CCDC146: variants seen among roughly 807,000 people sequenced by gnomAD.
CCDC146 encodes coiled-coil domain containing 146.
CCDC146 carries 92 observed loss-of-function variants against 119.3 expected under a neutral mutation model. That is an observed-to-expected ratio of 0.77 (90% confidence interval 0.65 to 0.92). CCDC146 has a LOEUF of 0.92. Ranked by LOEUF, CCDC146 falls within the 40% of genes least tolerant of loss-of-function variation. CCDC146 has a pLI of 0.00. For synonymous variants in CCDC146, 372 were observed against 371.8 expected (o/e 1.00, Z -0.01); for missense variants, 1,000 against 1,103.0 (o/e 0.91, Z 1.32).
chr7:77,245,120 CTAAT>C (rs1377565725), intron 4 of CCDC146, among the ~76,000 whole-genome samples: 2 of 152,108 alleles, frequency 1.3e-5, no homozygotes, highest in Admixed American at 6.5e-5. Context: ...GTTAATAAAT[CTAAT>C]TATCTGGTTG....
intron 2 of CCDC146, among the ~76,000 whole-genome samples, chr7:77,189,691 A>T (rs1584054502): frequency 6.6e-6 from 1 of 151,980 alleles, no homozygotes; most frequent in South Asian, 2.1e-4. Flanking sequence ...ACCACCCCAG[A>T]CCCTCTGCTG....
rs748361346 is a variant in CCDC146 at position 77,294,909 on chromosome 7, C to T, written c.*43C>T. 6 of 1,528,886 alleles carry T rather than the reference C, an allele frequency of 3.9e-6. No homozygotes were observed. The highest frequency in any genetic ancestry group is 3.5e-5 in the Admixed American group (2 of 57,774). The allele number at this position is 1,528,886 out of a possible 1,614,324, so 94.7% of individuals were successfully genotyped here. On this transcript the variant is annotated 3_prime_UTR_variant, in exon 19 of 19. Coordinates refer to ENST00000285871, the MANE Select transcript of CCDC146 (RefSeq NM_020879.3). ...GGCCTCTCAAGGAAAAGACTTCAAC[C>T]AGGCTTCCTTGTACCCACAGGTGAA...
At chr7:77,254,444 T>G in intron 4 of CCDC146, 62 bp from the exon 5 acceptor site, 1 of 918,998 alleles carries the variant, frequency 1.1e-6, no homozygotes, top group Non-Finnish European at 1.7e-6. Context: ...GATAGAAAGT[T>G]GTTATTACAG....
At chr7:77,199,695 T>C in intron 2 of CCDC146, 2 of 1,614,172 alleles carry the variant, frequency 1.2e-6, no homozygotes, top group Non-Finnish European at 1.7e-6. Flanking sequence ...CCTTTGCTCT[T>C]TCATCTTTAA....
intron 1 of CCDC146, among the ~76,000 whole-genome samples, chr7:77,138,290 C>CAAA (rs59868618): frequency 0.09 from 10,913 of 121,462 alleles, 641 homozygotes; most frequent in Non-Finnish European, 0.14. Context: ...GGGGCAGTTG[C>CAAA]AAAAAAAAAA....
intron 1 of CCDC146, among the ~76,000 whole-genome samples, chr7:77,146,683 G>A (rs1377371714): frequency 6.6e-6 from 1 of 151,810 alleles, no homozygotes. Context: ...TAGTTTGGCT[G>A]GATATGAAAT....
chr7:77,241,612 A>G lies in CCDC146; in HGVS notation c.240-79A>G, dbSNP rs959696226. The stretch of plus-strand genomic sequence containing the variant: ...TTGATCTGAGGAGTGGGGAGCAGCT[A>G]TCCTCACTAGACCCCCACAGGAGCC... On this transcript the variant is annotated intron_variant, in intron 3 of 18. Transcript: ENST00000285871. 3 of 1,206,428 alleles carry G rather than the reference A, an allele frequency of 2.5e-6. No individual in the cohort carries two copies. The African/African-American group carries it at 4.5e-5, about 18-fold the overall frequency. 74.7% of individuals were successfully genotyped at this position (1,206,428 alleles called of 1,614,324 possible). A position where few individuals can be genotyped will look rare whatever the true frequency, so the allele number is the denominator to read the frequency against.
At chr7:77,203,036 C>G (rs879531726) in intron 2 of CCDC146, among the ~76,000 whole-genome samples, 24 of 143,434 alleles carry the variant, frequency 1.7e-4, no homozygotes, top group Non-Finnish European at 2.8e-4. Context: ...TACTTGCCCC[C>G]CCCCCCCCCA....
intron 15 of CCDC146, among the ~76,000 whole-genome samples, chr7:77,286,356 C>A (rs73706620): frequency 0.26 from 40,107 of 151,802 alleles, 6,671 homozygotes; most frequent in African/African-American, 0.47. Context: ...CCCCATCCTG[C>A]CCCCATGACC....
chr7:77,290,265 A>T (rs1793921495), intron 17 of CCDC146, among the ~76,000 whole-genome samples: 1 of 151,942 alleles, frequency 6.6e-6, no homozygotes, highest in South Asian at 2.1e-4. Context: ...ATTAGGAGAT[A>T]TACCTAATGT....
intron 1 of CCDC146, among the ~76,000 whole-genome samples, chr7:77,148,852 A>G (rs1334559700): frequency 6.6e-6 from 1 of 152,214 alleles, no homozygotes; most frequent in East Asian, 1.9e-4. Flanking sequence ...ATGGAAAAAC[A>G]TTCCATGCTC....
At chr7:77,131,789 G>A (rs1422748987) in intron 1 of CCDC146, among the ~76,000 whole-genome samples, 4 of 152,118 alleles carry the variant, frequency 2.6e-5, no homozygotes, top group East Asian at 3.9e-4. Context: ...AGCTATACTC[G>A]AAAGATTACA....
At position 77,196,882 on chromosome 7, in the gene CCDC146, T is replaced by C. The variant is rs775217486; in HGVS notation, c.156+29058T>C. ...CCATGGTCTCCATGTCACAGTAAAC[T>C]TCAAAGCTACTATTTTTGGGATCAG... is the stretch of plus-strand genomic sequence containing the variant. On this transcript the variant is annotated intron_variant, in intron 2 of 18. Coordinates refer to ENST00000285871, the MANE Select transcript of CCDC146 (RefSeq NM_020879.3). This position sits in a 1 kb window ranked among gnomAD's most constrained non-coding sequence, Gnocchi z 4.2. 1.2e-6 allele frequency: 2 copies of C among 1,614,010 alleles called. No homozygotes were observed. Among genetic ancestry groups the C allele is most frequent in the Non-Finnish European group, 1.7e-6 (2 of 1,179,972 alleles).
At chr7:77,207,225 T>G (rs1423622755) in intron 2 of CCDC146, among the ~76,000 whole-genome samples, 1 of 152,230 alleles carries the variant, frequency 6.6e-6, no homozygotes, top group African/African-American at 2.4e-5. Context: ...TTCTGAGGTA[T>G]AGCATTATCT....
chr7:77,272,909 A>AT (rs1456701479), intron 9 of CCDC146, among the ~76,000 whole-genome samples: 4 of 152,342 alleles, frequency 2.6e-5, no homozygotes, highest in African/African-American at 9.6e-5. Flanking sequence ...TGTGTAAGAA[A>AT]TTTCCAGCTA....
chr7:77,282,738 C>G lies in CCDC146; in HGVS notation c.2101C>G (p.Pro701Ala), dbSNP rs1793786314. ...RQICVTQKLLPAKRSLDADLA... is the reference protein window; with the variant it reads ...RQICVTQKLLAAKRSLDADLA... ...AATTTGTGTGACCCAGAAATTACTG[C>G]CAGCCAAGAGGTCCCTGGATGCCGA... is the stretch of plus-strand genomic sequence containing the variant. Residue 701 changes from proline (P) to alanine (A), a missense_variant, in exon 15 of 19, where the codon CCA (proline) becomes GCA (alanine). Pro to Ala is a conservative substitution (Grantham distance 27). This residue lies in a region of CCDC146 where 985 missense variants were observed against 1,045.3 expected (regional missense o/e 0.94). Transcript: ENST00000285871. The G allele has an allele frequency of 6.2e-7, 1 of 1,614,162 alleles. No homozygotes were observed. The highest frequency in any genetic ancestry group is 8.5e-7 in the Non-Finnish European group (1 of 1,180,008).
At chr7:77,288,733 T>C (rs948917702) in intron 17 of CCDC146, among the ~76,000 whole-genome samples, 2 of 152,166 alleles carry the variant, frequency 1.3e-5, no homozygotes, top group Non-Finnish European at 2.9e-5. Context: ...GTTTACACCA[T>C]AGGAAGCTCA....
intron 14 of CCDC146, among the ~76,000 whole-genome samples, chr7:77,282,037 G>A (rs911606266): frequency 6.6e-6 from 1 of 152,174 alleles, no homozygotes; most frequent in African/African-American, 2.4e-5. Flanking sequence ...CTCCTGGCAT[G>A]ATTACAAAGG....
At chr7:77,231,820 T>TG (rs1384622384) in intron 2 of CCDC146, among the ~76,000 whole-genome samples, 7 of 102,554 alleles carry the variant, frequency 6.8e-5, no homozygotes, top group Admixed American at 4.5e-4. Context: ...TTGTTGTTGT[T>TG]TTTTTTTTTT....
Sources: gnomAD v4.1 joint callset for allele counts (sites outside exome capture counted in the v4.1 genomes callset) on GRCh38, gnomAD v4.1.1 for gene constraint, gnomAD v4.1.1 regional missense constraint, Gnocchi (gnomAD v3.1) non-coding constraint, MANE v1.5 for transcripts, NCBI Gene and HGNC (gene_info 2026-07-23, HGNC 2026-07-21) for gene names.